MCM2: variants seen among roughly 807,000 people sequenced by gnomAD.
MCM2 encodes the protein DNA replication licensing factor MCM2.
In MCM2, 49 loss-of-function variants were observed where a neutral mutation model predicts 86.4. The ratio of observed to expected loss-of-function variants is 0.57; its 90% CI spans 0.45 to 0.72. MCM2 has a LOEUF of 0.72. MCM2 is among the 30% of genes least tolerant of loss of function. MCM2 has a pLI of 0.00. For missense variants in MCM2, 1,038 were observed against 1,259.9 expected, an observed-to-expected ratio of 0.82 and a Z score of 2.67; for synonymous variants, 475 against 484.6, an observed-to-expected ratio of 0.98 and a Z score of 0.26.
At position 127,620,872 on chromosome 3, in the gene MCM2, A is replaced by G; in HGVS notation, c.2440A>G (p.Met814Val). The G allele has an allele frequency of 6.2e-7, 1 of 1,605,500 alleles. No individual in the cohort carries two copies. The highest frequency in any genetic ancestry group is 2.2e-5 in the East Asian group (1 of 44,646). ...ACAGAAGTTCAGCGTCATGCGCAGC[A>G]TGCGCAAGGTGGGTGTGCTCCGAGG... ...DTQKFSVMRS[M>V]RKTFARYLSF... is the part of the protein sequence containing the mutation. The change falls in exon 14 of 16, where the codon ATG (methionine) becomes GTG (valine). Residue 814 changes from methionine to valine, a missense_variant. Transcript: ENST00000265056.
rs776697432 is a variant in MCM2, at chr3:127,606,713, A to G, written c.997A>G (p.Asn333Asp). ...GGTCAAGTACAACTGCAACAAGTGC[A>G]ATTTCGTCCTGGGTCCTTTCTGCCA... ...SMVKYNCNKC[N>D]FVLGPFCQSQ... is the part of the protein sequence containing the mutation. The change falls in exon 6 of 16, where the codon AAT becomes GAT. Residue 333 changes from asparagine (N) to aspartate (D), a missense_variant. Coordinates refer to ENST00000265056, the MANE Select transcript of MCM2 (RefSeq NM_004526.4). The surrounding 1 kb of genome is among the most constrained non-coding windows in gnomAD (Gnocchi z 4.2). 1 of 1,614,246 alleles carries G rather than the reference A, an allele frequency of 6.2e-7. No individual in the cohort carries two copies. Among genetic ancestry groups the G allele is most frequent in the Non-Finnish European group, 8.5e-7 (1 of 1,180,046 alleles).
chr3:127,606,644 G>T lies in MCM2; in HGVS notation c.928G>T (p.Gly310Trp). 1 of 1,614,140 alleles carries T rather than the reference G, an allele frequency of 6.2e-7. No individual in the cohort carries two copies. Reference protein sequence around the residue: ...LHLNQLIRTSGVVTSCTGVLP... With the variant: ...LHLNQLIRTSWVVTSCTGVLP... ...TCTGAACCAGCTGATCCGCACCAGT[G>T]GGGTGGTGACCAGCTGCACTGGCGT... The change falls in exon 6 of 16, where the codon GGG becomes TGG. Residue 310 changes from glycine (G) to tryptophan (W), a missense_variant. Physicochemically the swap from Gly to Trp is radical, Grantham distance 184. This residue lies in a region of MCM2 where 399 missense variants were observed against 507.2 expected (regional missense o/e 0.79). Transcript: ENST00000265056. The surrounding 1 kb of genome is among the most constrained non-coding windows in gnomAD (Gnocchi z 4.2).
In MCM2 at chr3:127,615,849, C is replaced by T. The variant is rs1324773776; in HGVS notation, c.1429-13C>T. On this transcript the variant is annotated splice_polypyrimidine_tract_variant and intron_variant, in intron 8 of 15. Coordinates refer to ENST00000265056, the MANE Select transcript of MCM2 (RefSeq NM_004526.4). The stretch of plus-strand genomic sequence containing the variant: ...TCTGTTCCCATTCTTGTCGGTCTCC[C>T]TCCCTTTCTCAGATCTTTGCCAGCA... 4 of 1,598,792 alleles carry T rather than the reference C, an allele frequency of 2.5e-6. No individual in the cohort carries two copies. The highest frequency in any genetic ancestry group is 1.7e-4 in the Middle Eastern group (1 of 6,034).
chr3:127,608,369 G>A lies in MCM2; in HGVS notation c.1102-13G>A. 6.2e-7 allele frequency: 1 copy of A among 1,613,646 alleles called. No individual in the cohort carries two copies. The highest frequency in any genetic ancestry group is 8.5e-7 in the Non-Finnish European group (1 of 1,179,602). On this transcript the variant is annotated splice_polypyrimidine_tract_variant and intron_variant, in intron 6 of 15. Coordinates refer to ENST00000265056, the MANE Select transcript of MCM2 (RefSeq NM_004526.4). ...AAGTCAGTGATTTGAGGCCTTCTGT[G>A]TGTCCCTCGCAGACCATCTATCAGA...
At chr3:127,598,493 C>A (rs1280193992) in intron 1 of MCM2, 21 bp downstream of exon 1, 1 of 1,611,590 alleles carries the variant, frequency 6.2e-7, no homozygotes, top group Non-Finnish European at 8.5e-7. Context: ...TGGCGCGTGG[C>A]GGGCGGGCGC....
intron 2 of MCM2, among the ~76,000 whole-genome samples, chr3:127,602,100 C>T (rs984169024): frequency 2.0e-5 from 3 of 149,428 alleles, no homozygotes; most frequent in Admixed American, 6.6e-5. Flanking sequence ...TTATCTTTTT[C>T]GTGGTTTTAA....
chr3:127,600,343 G>A (rs74281282), intron 2 of MCM2, among the ~76,000 whole-genome samples: 11 of 152,204 alleles, frequency 7.2e-5, no homozygotes, highest in Admixed American at 1.3e-4. Flanking sequence ...TAAGCTCTGC[G>A]CATAAGCAAG....
rs569092075 is a variant in MCM2, at chr3:127,621,887, A to G, written c.*114A>G. 2.9e-6 allele frequency: 2 copies of G among 685,048 alleles called. No homozygotes were observed. Among genetic ancestry groups the G allele is most frequent in the South Asian group, 1.9e-5 (1 of 53,496 alleles). 42.4% of individuals were successfully genotyped at this position (685,048 alleles called of 1,614,324 possible). On this transcript the variant is annotated 3_prime_UTR_variant, in exon 16 of 16. Coordinates refer to ENST00000265056, the MANE Select transcript of MCM2 (RefSeq NM_004526.4). ...TTGATGAACTCGGGGTACTAGGGTCAGGGCTTATAGCAGGATGTCTGGCTG... is the reference window on the plus strand; with the variant it reads ...TTGATGAACTCGGGGTACTAGGGTCGGGGCTTATAGCAGGATGTCTGGCTG...
At chr3:127,610,315 G>C (rs966111613) in intron 8 of MCM2, among the ~76,000 whole-genome samples, 2 of 152,192 alleles carry the variant, frequency 1.3e-5, no homozygotes, top group African/African-American at 4.8e-5. Context: ...AGCCATCACT[G>C]GCTTAATCAC....
At chr3:127,599,000 TAGAC>T (rs1239501857) in intron 1 of MCM2, 2 of 461,050 alleles carry the variant, frequency 4.3e-6, no homozygotes, top group Non-Finnish European at 7.8e-6. Context: ...GGGGAGATAA[TAGAC>T]AGTAAACAGG....
At position 127,617,257 on chromosome 3, in the gene MCM2, G is replaced by C; in HGVS notation, c.1774-22G>C. The C allele has an allele frequency of 6.2e-7, 1 of 1,614,014 alleles. No homozygotes were observed. The highest frequency in any genetic ancestry group is 8.5e-7 in the Non-Finnish European group (1 of 1,179,918). On this transcript the variant is annotated intron_variant, in intron 10 of 15. Coordinates refer to ENST00000265056, the MANE Select transcript of MCM2 (RefSeq NM_004526.4). The surrounding 1 kb of genome is among the most constrained non-coding windows in gnomAD (Gnocchi z 4.1). Reference sequence around the variant, plus strand: ...AGTAGGGGCGTGAACCATGCTAAGGGTGGGCCATTTTAATCTTGCAGATGA... The same window carrying C: ...AGTAGGGGCGTGAACCATGCTAAGGCTGGGCCATTTTAATCTTGCAGATGA...
intron 1 of MCM2, 21 bp downstream of exon 1, chr3:127,598,493 C>G (rs1280193992): frequency 6.2e-7 from 1 of 1,611,590 alleles, no homozygotes; most frequent in Non-Finnish European, 8.5e-7. Context: ...TGGCGCGTGG[C>G]GGGCGGGCGC....
At chr3:127,604,805 C>T in intron 3 of MCM2, 22 bp downstream of exon 3, 2 of 1,574,066 alleles carry the variant, frequency 1.3e-6, no homozygotes, top group South Asian at 1.1e-5. Context: ...TGTCTGCCTG[C>T]CCGAGGGACT....
rs1343343075 is a variant in MCM2 at position 127,618,529 on chromosome 3, A to G, written c.2013+448A>G. On this transcript the variant is annotated intron_variant, in intron 12 of 15. Transcript: ENST00000265056. The surrounding 1 kb of genome is among the most constrained non-coding windows in gnomAD (Gnocchi z 4.0). ...TCCGGCCCGCACCCGCCATCTCTGC[A>G]GCTACCTCCTCCTCGCTCCCTTCCC... is the stretch of plus-strand genomic sequence containing the variant. Among the ~76,000 whole-genome samples, 1 of 152,152 alleles carries G rather than the reference A, an allele frequency of 6.6e-6. No homozygotes were observed. Among genetic ancestry groups the G allele is most frequent in the Non-Finnish European group, 1.5e-5 (1 of 68,020 alleles).
At position 127,598,477 on chromosome 3, in the gene MCM2, G is replaced by A. The variant is rs2074274671; in HGVS notation, c.6+5G>A. 1 of 1,612,614 alleles carries A rather than the reference G, an allele frequency of 6.2e-7. No individual in the cohort carries two copies. Among genetic ancestry groups the A allele is most frequent in the Non-Finnish European group, 8.5e-7 (1 of 1,179,298 alleles). The stretch of plus-strand genomic sequence containing the variant: ...GATCGTGGTACTGCTATGGCGGTGA[G>A]CGCGCTGGCGCGTGGCGGGCGGGCG... On this transcript the variant is annotated splice_donor_5th_base_variant and intron_variant, in intron 1 of 15. Coordinates refer to ENST00000265056, the MANE Select transcript of MCM2 (RefSeq NM_004526.4).
rs527931115 is a variant in MCM2 at position 127,617,866 on chromosome 3, C to T, written c.1901-103C>T. ...GCTAAGTACCCACCTATGTCTTCCT[C>T]TTCCACTGCCCTCATCCCCTTCTGC... is the stretch of plus-strand genomic sequence containing the variant. On this transcript the variant is annotated intron_variant, in intron 11 of 15. Transcript: ENST00000265056. The surrounding 1 kb of genome is among the most constrained non-coding windows in gnomAD (Gnocchi z 4.1). 4.8e-6 allele frequency: 4 copies of T among 837,360 alleles called. No individual in the cohort carries two copies. The Admixed American group carries it at 6.0e-5, about 13-fold the overall frequency. The allele number at this position is 837,360 out of a possible 1,614,324, so 51.9% of individuals were successfully genotyped here. A position where few individuals can be genotyped will look rare whatever the true frequency, so the allele number is the denominator to read the frequency against.
At position 127,608,341 on chromosome 3, in the gene MCM2, A is replaced by G. The variant is rs147988008; in HGVS notation, c.1102-41A>G. On this transcript the variant is annotated intron_variant, in intron 6 of 15. Coordinates refer to ENST00000265056, the MANE Select transcript of MCM2 (RefSeq NM_004526.4). The stretch of plus-strand genomic sequence containing the variant: ...TTCGGGGGTCAAGGTTAGGTGACAT[A>G]GTAAGTCAGTGATTTGAGGCCTTCT... 56 of 1,607,608 alleles carry G rather than the reference A, an allele frequency of 3.5e-5. No homozygotes were observed. The African/African-American group carries it at 7.3e-4, about 21-fold the overall frequency.
intron 13 of MCM2, 70 bp from the exon 14 acceptor site, chr3:127,620,628 G>A (rs1217285438): frequency 2.2e-5 from 33 of 1,493,330 alleles, no homozygotes; most frequent in Non-Finnish European, 2.9e-5. Context: ...GGTGCTAAGA[G>A]TGCCGCTGCT....
At position 127,620,703 on chromosome 3, in the gene MCM2, A is replaced by C. The variant is rs1251914049; in HGVS notation, c.2271A>C (p.Thr757=). ...GACACTGTGCTTCTCTCCAGGCGAC[A>C]GGCAGCATCCCCATTACGGTGCGGC... ...YSDLRKESMA[T]GSIPITVRHI... The change falls in exon 14 of 16, where the codon ACA becomes ACC. Residue 757 remains threonine (T), a synonymous_variant. Coordinates refer to ENST00000265056, the MANE Select transcript of MCM2 (RefSeq NM_004526.4). 3.1e-6 allele frequency: 5 copies of C among 1,588,804 alleles called. No individual in the cohort carries two copies. In the East Asian group the frequency reaches 1.1e-4, roughly 36 times the overall value.
Sources: gnomAD v4.1 joint callset for allele counts (sites outside exome capture counted in the v4.1 genomes callset) on GRCh38, gnomAD v4.1.1 for gene constraint, gnomAD v4.1.1 regional missense constraint, Gnocchi (gnomAD v3.1) non-coding constraint, MANE v1.5 for transcripts, NCBI Gene and HGNC (gene_info 2026-07-23, HGNC 2026-07-21) for gene names.